Variants in NEK8 observed in about 807,000 individuals in gnomAD.
The protein encoded by NEK8 is NIMA related kinase 8.
Under a neutral mutation model 77.2 loss-of-function variants are expected in NEK8, and 51 were observed. The ratio of observed to expected loss-of-function variants is 0.66; its 90% CI spans 0.53 to 0.83. The LOEUF is 0.83. Among genes scored for constraint, NEK8 ranks in the 40% least tolerant of loss-of-function variants. NEK8 has a pLI of 0.00. For missense variants in NEK8, 787 were observed against 909.2 expected (o/e 0.87, Z 1.73); for synonymous variants, 365 against 363.2 (o/e 1.00, Z -0.06).
intron 10 of NEK8, among the ~76,000 whole-genome samples, chr17:28,739,540 C>T (rs1003107475): frequency 1.3e-5 from 2 of 152,208 alleles, no homozygotes; most frequent in African/African-American, 4.8e-5. Context: ...ACCTCCACCA[C>T]CGGGTTCAAG....
chr17:28,742,464 C>T lies in NEK8; in HGVS notation c.*477C>T, dbSNP rs193042078. On this transcript the variant is annotated 3_prime_UTR_variant, in exon 15 of 15. Coordinates refer to ENST00000268766, the MANE Select transcript of NEK8 (RefSeq NM_178170.3). ...AAAAAATTAGCTGGGCGTGGTGGCA[C>T]GCGCCTGTAGTCCCAGCTGCTCAGG... 3.3e-4 allele frequency: 75 copies of T among 225,378 alleles called. No individual in the cohort carries two copies. Among genetic ancestry groups the T allele is most frequent in the African/African-American group, 1.6e-3 (71 of 43,900 alleles). 14.0% of individuals were successfully genotyped at this position (225,378 alleles called of 1,614,324 possible).
chr17:28,731,247 T>A (rs565248906), intron 1 of NEK8, among the ~76,000 whole-genome samples: 2 of 144,568 alleles, frequency 1.4e-5, no homozygotes, highest in African/African-American at 5.2e-5. Context: ...CAAAAAAAAA[T>A]AAAAACAAAA....
chr17:28,737,533 A>G lies in NEK8; in HGVS notation c.827+19A>G. On this transcript the variant is annotated intron_variant, in intron 5 of 14. Transcript: ENST00000268766. The surrounding 1 kb of genome is among the most constrained non-coding windows in gnomAD (Gnocchi z 4.8). ...TGCGGAGGCCTGTGCAGGGACAGCG[A>G]GCGGTCCTGGGCGGCAGGGTGTGGG... The G allele has an allele frequency of 6.2e-7, 1 of 1,612,980 alleles. No individual in the cohort carries two copies. Among genetic ancestry groups the G allele is most frequent in the Non-Finnish European group, 8.5e-7 (1 of 1,179,668 alleles).
Position 28,735,388 on chromosome 17 carries a change from TC to T in NEK8, c.618+19del. On this transcript the variant is annotated intron_variant, in intron 4 of 14. Coordinates refer to ENST00000268766, the MANE Select transcript of NEK8 (RefSeq NM_178170.3). Reference sequence around the variant, plus strand: ...GAGGCTGCGGTGAGTGTATGCACCCTCCAGGGGACAACTGAGAAATCTACTG... The same window carrying T: ...GAGGCTGCGGTGAGTGTATGCACCCTCAGGGGACAACTGAGAAATCTACTG... 1.9e-6 allele frequency: 3 copies of T among 1,611,628 alleles called. No individual in the cohort carries two copies. Among genetic ancestry groups the T allele is most frequent in the Non-Finnish European group, 2.5e-6 (3 of 1,179,214 alleles).
chr17:28,740,462 G>A lies in NEK8; in HGVS notation c.1418-1G>A, dbSNP rs750108245. ...AACTCCTTCTGGGTTTCTTCTTGTA[G>A]GCAGACTGGGGCTAGGCACCAGGGA... On this transcript the variant is annotated splice_acceptor_variant, in intron 10 of 14. Transcript: ENST00000268766. LOFTEE classifies it high-confidence loss of function. This position sits in a 1 kb window ranked among gnomAD's most constrained non-coding sequence, Gnocchi z 4.7. 9 of 1,614,094 alleles carry A rather than the reference G, an allele frequency of 5.6e-6. No individual in the cohort carries two copies. The East Asian group carries it at 2.0e-4, about 36-fold the overall frequency.
chr17:28,734,187 A>C lies in NEK8; in HGVS notation c.252A>C (p.Pro84=). The C allele has an allele frequency of 6.2e-7, 1 of 1,614,082 alleles. No homozygotes were observed. Among genetic ancestry groups the C allele is most frequent in the Non-Finnish European group, 8.5e-7 (1 of 1,179,888 alleles). The change falls in exon 2 of 15, where the codon CCA becomes CCC. Residue 84 remains proline, a splice_region_variant and synonymous_variant. Coordinates refer to ENST00000268766, the MANE Select transcript of NEK8 (RefSeq NM_178170.3). The part of the protein sequence containing the change: ...KALMIAMEYA[P]GGTLAEFIQK... The stretch of plus-strand genomic sequence containing the variant: ...TTATGATCGCCATGGAATATGCACC[A>C]GGTGGGCCAGCCTCCTTACAGTGGC...
Position 28,742,283 on chromosome 17 carries a change from C to A in NEK8, c.*296C>A. 1 of 533,612 alleles carries A rather than the reference C, an allele frequency of 1.9e-6. No homozygotes were observed. Among genetic ancestry groups the A allele is most frequent in the Non-Finnish European group, 3.4e-6 (1 of 295,166 alleles). 33.1% of individuals were successfully genotyped at this position (533,612 alleles called of 1,614,324 possible). A position where few individuals can be genotyped will look rare whatever the true frequency, so the allele number is the denominator to read the frequency against. ...TAGCCTTTGGAAGCAGGGTGGCCTC[C>A]AGAGCCTTGCCATAAAAAGGCTGAA... On this transcript the variant is annotated 3_prime_UTR_variant, in exon 15 of 15. Transcript: ENST00000268766.
chr17:28,737,721 A>G lies in NEK8; in HGVS notation c.874A>G (p.Ser292Gly). ...CAGCAACACAGGGAGCAGGACCACC[A>G]GTGTCCGCTGCAGAGGTAAGTGGGA... ...APSNTGSRTT[S>G]VRCRGIPRGP... The change falls in exon 6 of 15, where the codon AGT becomes GGT. Residue 292 changes from serine to glycine, a missense_variant. Ser to Gly is a moderately conservative substitution (Grantham distance 56). Around this residue, in one of 2 missense-constraint regions of NEK8, gnomAD observed 516 missense variants for 544.0 expected, o/e 0.95. Transcript: ENST00000268766. The surrounding 1 kb of genome is among the most constrained non-coding windows in gnomAD (Gnocchi z 4.8). 3 of 1,614,150 alleles carry G rather than the reference A, an allele frequency of 1.9e-6. No homozygotes were observed.
chr17:28,734,904 T>TCAAGACCCAGAACATCCTGCTTG lies in NEK8; in HGVS notation c.387_409dup (p.Asp137AlafsTer85). 1 of 1,613,678 alleles carries TCAAGACCCAGAACATCCTGCTTG rather than the reference T, an allele frequency of 6.2e-7. No homozygotes were observed. Among genetic ancestry groups the TCAAGACCCAGAACATCCTGCTTG allele is most frequent in the Non-Finnish European group, 8.5e-7 (1 of 1,180,002 alleles). On this transcript the variant is annotated frameshift_variant, in exon 3 of 15. Coordinates refer to ENST00000268766, the MANE Select transcript of NEK8 (RefSeq NM_178170.3). LOFTEE classifies it high-confidence loss of function. The stretch of plus-strand genomic sequence containing the variant: ...ACCCACCTCATCCTGCACCGAGACC[T>TCAAGACCCAGAACATCCTGCTTG]CAAGACCCAGAACATCCTGCTTGAC...
rs188771567 is a variant in NEK8, at chr17:28,738,393, C to G, written c.1222+148C>G. 274 of 1,044,706 alleles carry G rather than the reference C, an allele frequency of 2.6e-4. 2 individuals are homozygous for G. The East Asian group carries it at 6.6e-3, about 25-fold the overall frequency. The allele number at this position is 1,044,706 out of a possible 1,614,324, so 64.7% of individuals were successfully genotyped here. On this transcript the variant is annotated intron_variant, in intron 8 of 14. Transcript: ENST00000268766. ...TGTCTAGTAACTATTGAGGAGATTT[C>G]CTTATACAACCTCCTTTACCCTACG...
Position 28,740,547 on chromosome 17 carries a change from T to G in NEK8, c.1502T>G (p.Val501Gly). The G allele has an allele frequency of 6.2e-7, 1 of 1,614,162 alleles. No individual in the cohort carries two copies. Among genetic ancestry groups the G allele is most frequent in the African/African-American group, 1.3e-5 (1 of 75,034 alleles). ...MPPGQEAQRVVCGIDSSMILT... is the reference protein window; with the variant it reads ...MPPGQEAQRVGCGIDSSMILT... The stretch of plus-strand genomic sequence containing the variant: ...CCAGGACAGGAAGCTCAGCGAGTTG[T>G]ATGTGGTATCGATTCCTCCATGATC... The change falls in exon 11 of 15, where the codon GTA (valine) becomes GGA (glycine). Residue 501 changes from valine to glycine, a missense_variant. Val to Gly is a moderately radical substitution (Grantham distance 109, BLOSUM62 -3). This residue lies in a region of NEK8 where 516 missense variants were observed against 544.0 expected (regional missense o/e 0.95). Coordinates refer to ENST00000268766, the MANE Select transcript of NEK8 (RefSeq NM_178170.3). The surrounding 1 kb of genome is among the most constrained non-coding windows in gnomAD (Gnocchi z 4.7).
Position 28,741,827 on chromosome 17 carries a change from G to A in NEK8, c.2051-132G>A, listed in dbSNP as rs915833084. The A allele has an allele frequency of 2.5e-5, 26 of 1,039,782 alleles. No homozygotes were observed. Among genetic ancestry groups the A allele is most frequent in the Non-Finnish European group, 3.5e-5 (23 of 662,944 alleles). 64.4% of individuals were successfully genotyped at this position (1,039,782 alleles called of 1,614,324 possible). A position where few individuals can be genotyped will look rare whatever the true frequency, so the allele number is the denominator to read the frequency against. On this transcript the variant is annotated intron_variant, in intron 14 of 14. Transcript: ENST00000268766. This position sits in a 1 kb window ranked among gnomAD's most constrained non-coding sequence, Gnocchi z 4.5. ...ATTCTTTCTCCTACTGCTGAGTCCCGTTGATGCTGAAACTCTCTTTCTGGC... is the reference window on the plus strand; with the variant it reads ...ATTCTTTCTCCTACTGCTGAGTCCCATTGATGCTGAAACTCTCTTTCTGGC...
chr17:28,737,754 G>A lies in NEK8; in HGVS notation c.889+18G>A, dbSNP rs141084448. ...CTGCAGAGGTAAGTGGGAAGAGGCCGCCAGTCCCCATGGATGCCACACCAT... is the reference window on the plus strand; with the variant it reads ...CTGCAGAGGTAAGTGGGAAGAGGCCACCAGTCCCCATGGATGCCACACCAT... On this transcript the variant is annotated intron_variant, in intron 6 of 14. Coordinates refer to ENST00000268766, the MANE Select transcript of NEK8 (RefSeq NM_178170.3). The surrounding 1 kb of genome is among the most constrained non-coding windows in gnomAD (Gnocchi z 4.8). 2,903 of 1,614,116 alleles carry A rather than the reference G, an allele frequency of 1.8e-3. 2 individuals are homozygous for A. Among genetic ancestry groups the A allele is most frequent in the Non-Finnish European group, 2.3e-3 (2,687 of 1,179,986 alleles).
intron 8 of NEK8, 112 bp downstream of exon 8, chr17:28,738,357 G>C: frequency 7.7e-7 from 1 of 1,295,534 alleles, no homozygotes; most frequent in East Asian, 2.4e-5. Flanking sequence ...TAGTTATCGA[G>C]TTATTGCTTC....
Position 28,734,983 on chromosome 17 carries a change from C to A in NEK8, c.465C>A (p.Ser155Arg). ...IGDFGISKIL[S>R]SKSKAYTVVG... ...ATTTCGGCATCTCCAAGATCCTTAGCAGCAAGAGCAAGGCCTACACGGTGC... is the reference window on the plus strand; with the variant it reads ...ATTTCGGCATCTCCAAGATCCTTAGAAGCAAGAGCAAGGCCTACACGGTGC... Residue 155 changes from serine to arginine, a missense_variant, in exon 3 of 15, where the codon AGC (serine) becomes AGA (arginine). Around this residue, in one of 2 missense-constraint regions of NEK8, gnomAD observed 271 missense variants for 365.1 expected, o/e 0.74. Coordinates refer to ENST00000268766, the MANE Select transcript of NEK8 (RefSeq NM_178170.3). 1 of 1,612,476 alleles carries A rather than the reference C, an allele frequency of 6.2e-7. No individual in the cohort carries two copies.
rs200230947 is a variant in NEK8 at position 28,741,137 on chromosome 17, C to T, written c.1792C>T (p.Arg598Cys). ...GCACGGACAGTTGGGCACCAATACT[C>T]GCCGAGGCAGTCGGGCACCCTGTAA... ...NQHGQLGTNTRRGSRAPCKVQ... is the reference protein window; with the variant it reads ...NQHGQLGTNTCRGSRAPCKVQ... Residue 598 changes from arginine to cysteine, a missense_variant, in exon 13 of 15, where the codon CGC (arginine) becomes TGC (cysteine). This residue lies in a region of NEK8 where 516 missense variants were observed against 544.0 expected (regional missense o/e 0.95). Coordinates refer to ENST00000268766, the MANE Select transcript of NEK8 (RefSeq NM_178170.3). This position sits in a 1 kb window ranked among gnomAD's most constrained non-coding sequence, Gnocchi z 4.5. 37 of 1,614,138 alleles carry T rather than the reference C, an allele frequency of 2.3e-5. 1 individual carries two copies. The Middle Eastern group carries it at 8.2e-4, about 36-fold the overall frequency.
intron 4 of NEK8, 117 bp downstream of exon 4, chr17:28,735,488 A>G: frequency 8.3e-7 from 1 of 1,200,436 alleles, no homozygotes; most frequent in Non-Finnish European, 1.2e-6. Flanking sequence ...CCCTTATCAG[A>G]TTACCCCAGG....
At position 28,734,833 on chromosome 17, in the gene NEK8, C is replaced by A; in HGVS notation, c.315C>A (p.Ile105=). The A allele has an allele frequency of 6.2e-7, 1 of 1,613,852 alleles. No individual in the cohort carries two copies. Among genetic ancestry groups the A allele is most frequent in the Non-Finnish European group, 8.5e-7 (1 of 1,179,992 alleles). The stretch of plus-strand genomic sequence containing the variant: ...ATTCCCTGCTGGAGGAGGAGACCAT[C>A]CTGCACTTCTTCGTGCAGATCCTGC... ...RCNSLLEEET[I]LHFFVQILLA... The change falls in exon 3 of 15, where the codon ATC becomes ATA. Residue 105 remains isoleucine (I), a synonymous_variant. Transcript: ENST00000268766.
intron 3 of NEK8, 44 bp downstream of exon 3, chr17:28,735,048 A>C: frequency 6.5e-7 from 1 of 1,548,216 alleles, no homozygotes; most frequent in South Asian, 1.1e-5. Context: ...AGAAGTCTTG[A>C]GGGCCAGGAC....
Sources: gnomAD v4.1 joint callset for allele counts (sites outside exome capture counted in the v4.1 genomes callset) on GRCh38, gnomAD v4.1.1 for gene constraint, gnomAD v4.1.1 regional missense constraint, Gnocchi (gnomAD v3.1) non-coding constraint, MANE v1.5 for transcripts, NCBI Gene and HGNC (gene_info 2026-07-23, HGNC 2026-07-21) for gene names.